The following B3GNT3 variants were observed in gnomAD, a reference collection of about 807,000 sequenced individuals.
B3GNT3 encodes UDP-GlcNAc:betaGal beta-1,3-N-acetylglucosaminyltransferase 3.
Under a neutral mutation model 11.6 loss-of-function variants are expected in B3GNT3, and 7 were observed. The observed-to-expected ratio is 0.60, with a 90% confidence interval of 0.34 to 1.13. The LOEUF (loss-of-function observed/expected upper bound fraction) is 1.13. Among genes scored for constraint, B3GNT3 ranks in the 50% most tolerant of loss-of-function variants. The pLI is 0.03. For synonymous variants in B3GNT3, 201 were observed against 222.1 expected, an observed-to-expected ratio of 0.90 and a Z score of 0.85; for missense variants, 400 against 507.4, an observed-to-expected ratio of 0.79 and a Z score of 2.03.
chr19:17,812,364 G>A lies in B3GNT3; in HGVS notation c.*242G>A. 2.0e-6 allele frequency: 1 copy of A among 504,682 alleles called. No homozygotes were observed. 31.3% of individuals were successfully genotyped at this position (504,682 alleles called of 1,614,324 possible). On this transcript the variant is annotated 3_prime_UTR_variant, in exon 3 of 3. Coordinates refer to ENST00000318683, the MANE Select transcript of B3GNT3 (RefSeq NM_014256.4). ...TCCAGAAAATATCCATCTTCTTTTT[G>A]TGGCTGCTAATGGCAGAAGTGCCTG...
At chr19:17,800,673 A>T (rs2147646701) in intron 1 of B3GNT3, among the ~76,000 whole-genome samples, 1 of 152,020 alleles carries the variant, frequency 6.6e-6, no homozygotes, top group African/African-American at 2.4e-5. Context: ...AATATTCCTC[A>T]TGATACTATT....
rs1285394051 is a variant in B3GNT3 at position 17,813,471 on chromosome 19, C to T, written c.*1349C>T. Among the ~76,000 whole-genome samples, 1 of 152,066 alleles carries T rather than the reference C, an allele frequency of 6.6e-6. No individual in the cohort carries two copies. Among genetic ancestry groups the T allele is most frequent in the Non-Finnish European group, 1.5e-5 (1 of 68,044 alleles). On this transcript the variant is annotated 3_prime_UTR_variant, in exon 3 of 3. Coordinates refer to ENST00000318683, the MANE Select transcript of B3GNT3 (RefSeq NM_014256.4). ...AACATAAAACAGGACATGTGTGAGG[C>T]AAAAGCTGCAGGAATTTCTATCAGG...
chr19:17,798,689 T>C (rs1453663192), intron 1 of B3GNT3, among the ~76,000 whole-genome samples: 1 of 150,944 alleles, frequency 6.6e-6, no homozygotes, highest in African/African-American at 2.4e-5. Flanking sequence ...AAAAATCTAA[T>C]TGTGGCTGGG....
chr19:17,804,240 C>CTTTTTTTTTTTTTTTTTTTT (rs773524591), intron 1 of B3GNT3, among the ~76,000 whole-genome samples: 1 of 112,188 alleles, frequency 8.9e-6, no homozygotes, highest in Non-Finnish European at 1.8e-5. Flanking sequence ...TCTTTTTTTT[C>CTTTTTTTTTTTTTTTTTTTT]TTTTTTTTTT....
intron 1 of B3GNT3, among the ~76,000 whole-genome samples, chr19:17,798,967 T>C (rs1440408501): frequency 6.6e-6 from 1 of 151,982 alleles, no homozygotes; most frequent in Non-Finnish European, 1.5e-5. Flanking sequence ...AGCAAGATCC[T>C]GTCTCAAGAA....
In B3GNT3 at chr19:17,811,335, G is replaced by T. The variant is rs1021819022; in HGVS notation, c.568-236G>T. On this transcript the variant is annotated intron_variant, in intron 2 of 2. Coordinates refer to ENST00000318683, the MANE Select transcript of B3GNT3 (RefSeq NM_014256.4). This position sits in a 1 kb window ranked among gnomAD's most constrained non-coding sequence, Gnocchi z 4.1. ...CCAGCATTTCTTGGTGCTTCATGGA[G>T]CATGGTCTCCATGGATTCCCCAACA... 2.0e-5 allele frequency among the ~76,000 whole-genome samples: 3 copies of T among 152,198 alleles called. No homozygotes were observed. Among genetic ancestry groups the T allele is most frequent in the Non-Finnish European group, 4.4e-5 (3 of 68,040 alleles).
chr19:17,811,541 G>A lies in B3GNT3; in HGVS notation c.568-30G>A. 6.3e-7 allele frequency: 1 copy of A among 1,578,044 alleles called. No individual in the cohort carries two copies. The highest frequency in any genetic ancestry group is 1.8e-5 in the Admixed American group (1 of 55,772). On this transcript the variant is annotated intron_variant, in intron 2 of 2. Coordinates refer to ENST00000318683, the MANE Select transcript of B3GNT3 (RefSeq NM_014256.4). This position sits in a 1 kb window ranked among gnomAD's most constrained non-coding sequence, Gnocchi z 4.1. ...CAAGGCCAATTTCTCCAGCCCTCAA[G>A]CAAGCATGCCCTGTCCACCCTGCCT...
chr19:17,807,734 T>G (rs1337696323), intron 1 of B3GNT3, 24 bp from the exon 2 acceptor site: 1 of 1,399,896 alleles, frequency 7.1e-7, no homozygotes, highest in African/African-American at 1.4e-5. Context: ...ATGGCGAGTG[T>G]TCAGTGAGTT....
At position 17,812,327 on chromosome 19, in the gene B3GNT3, G is replaced by A; in HGVS notation, c.*205G>A. On this transcript the variant is annotated 3_prime_UTR_variant, in exon 3 of 3. Transcript: ENST00000318683. Reference sequence around the variant, plus strand: ...TACTGTTCCAGCATCTTCCCTGGATGGCTGGAGGAACTCCAGAAAATATCC... The same window carrying A: ...TACTGTTCCAGCATCTTCCCTGGATAGCTGGAGGAACTCCAGAAAATATCC... 1.8e-6 allele frequency: 1 copy of A among 550,766 alleles called. No individual in the cohort carries two copies. Among genetic ancestry groups the A allele is most frequent in the South Asian group, 2.8e-5 (1 of 35,918 alleles). The allele number at this position is 550,766 out of a possible 1,614,324, so 34.1% of individuals were successfully genotyped here. A position where few individuals can be genotyped will look rare whatever the true frequency, so the allele number is the denominator to read the frequency against.
chr19:17,807,960 T>TACCC lies in B3GNT3; in HGVS notation c.153_154insACCC (p.Pro52ThrfsTer52). The TACCC allele has an allele frequency of 6.2e-7, 1 of 1,609,548 alleles. No individual in the cohort carries two copies. The highest frequency in any genetic ancestry group is 8.5e-7 in the Non-Finnish European group (1 of 1,178,130). ...TCCCCGAGGCCCTGGCCTGGCCCAC[T>TACCC]CCACCCACCCGCCCAGCCCCGGCCC... On this transcript the variant is annotated frameshift_variant, in exon 2 of 3. Transcript: ENST00000318683. LOFTEE classifies it high-confidence loss of function.
At chr19:17,798,945 C>T (rs2094162554) in intron 1 of B3GNT3, among the ~76,000 whole-genome samples, 1 of 152,138 alleles carries the variant, frequency 6.6e-6, no homozygotes, top group African/African-American at 2.4e-5. Flanking sequence ...ACCACTCCAG[C>T]CTGGGTGACA....
chr19:17,813,527 C>T lies in B3GNT3; in HGVS notation c.*1405C>T, dbSNP rs1460307797. Among the ~76,000 whole-genome samples the T allele has an allele frequency of 2.0e-5, 3 of 152,026 alleles. No homozygotes were observed. The highest frequency in any genetic ancestry group is 4.4e-5 in the Non-Finnish European group (3 of 68,028). On this transcript the variant is annotated 3_prime_UTR_variant, in exon 3 of 3. Transcript: ENST00000318683. ...CTGACCTCATCCCACCCACCCCCTG[C>T]TCAGATACCCTTCATAGCTCCTTAT...
At chr19:17,806,907 G>A (rs1472989854) in intron 1 of B3GNT3, among the ~76,000 whole-genome samples, 3 of 146,502 alleles carry the variant, frequency 2.0e-5, no homozygotes, top group South Asian at 4.3e-4. Flanking sequence ...AGCCGAGATT[G>A]TGCCACTGTA....
At chr19:17,799,263 T>C (rs2094162979) in intron 1 of B3GNT3, among the ~76,000 whole-genome samples, 1 of 148,378 alleles carries the variant, frequency 6.7e-6, no homozygotes, top group East Asian at 2.0e-4. Flanking sequence ...TCTGCCACCA[T>C]TCCAGCTTTT....
chr19:17,802,853 C>A (rs1195534565), intron 1 of B3GNT3, among the ~76,000 whole-genome samples: 1 of 150,632 alleles, frequency 6.6e-6, no homozygotes, highest in African/African-American at 2.4e-5. Flanking sequence ...AATTTTTTTA[C>A]TTTTTTTTTT....
chr19:17,805,256 C>T (rs1445812823), intron 1 of B3GNT3, among the ~76,000 whole-genome samples: 4 of 151,640 alleles, frequency 2.6e-5, no homozygotes, highest in African/African-American at 4.8e-5. Flanking sequence ...TGCATCATCA[C>T]GCCGGCTAAC....
chr19:17,799,978 C>G (rs2094164134), intron 1 of B3GNT3, among the ~76,000 whole-genome samples: 1 of 152,104 alleles, frequency 6.6e-6, no homozygotes, highest in Non-Finnish European at 1.5e-5. Flanking sequence ...CCTGTGGTCT[C>G]CAAATAGTCT....
At chr19:17,797,143 C>A (rs1599842343) in intron 1 of B3GNT3, among the ~76,000 whole-genome samples, 1 of 152,218 alleles carries the variant, frequency 6.6e-6, no homozygotes, top group East Asian at 1.9e-4. Context: ...TGCAGCCCTA[C>A]TTCTCAGCAC....
intron 1 of B3GNT3, among the ~76,000 whole-genome samples, chr19:17,807,111 AGTGTGT>A (rs56140662): frequency 5.2e-5 from 6 of 116,242 alleles, no homozygotes; most frequent in East Asian, 2.4e-4. Context: ...CAGTGGCCCC[AGTGTGT>A]GTGTGTGTGT....
Sources: allele counts gnomAD v4.1 joint callset (sites outside exome capture counted in the v4.1 genomes callset), GRCh38; gene constraint gnomAD v4.1.1; non-coding constraint Gnocchi (gnomAD v3.1); transcripts MANE v1.5; gene names NCBI Gene and HGNC (gene_info 2026-07-23, HGNC 2026-07-21).